The following GPHN variants were observed in gnomAD, a reference collection of about 807,000 sequenced individuals.
GPHN encodes gephyrin.
GPHN carries 17 observed loss-of-function variants against 95.5 expected under a neutral mutation model. The ratio of observed to expected loss-of-function variants is 0.18; its 90% CI spans 0.12 to 0.27. GPHN has a LOEUF of 0.27. GPHN is among the 10% of genes least tolerant of loss of function. The probability of loss-of-function intolerance (pLI) is 1.00; values close to 1 mark genes in which losing one functional copy is unlikely to be tolerated. For missense variants in GPHN, 660 were observed against 978.1 expected, an observed-to-expected ratio of 0.67 and a Z score of 4.34; for synonymous variants, 320 against 322.5, an observed-to-expected ratio of 0.99 and a Z score of 0.08.
At chr14:67,193,881 G>C in the GPHN span, among the ~76,000 whole-genome samples, 48 of 142,850 alleles carry the variant, frequency 3.4e-4, no homozygotes, top group Non-Finnish European at 6.3e-4. Context: ...GGAGGTTGAG[G>C]CTGCAGTGAG....
chr14:67,636,979 A>C, the GPHN span, among the ~76,000 whole-genome samples: 2 of 152,240 alleles, frequency 1.3e-5, no homozygotes, highest in African/African-American at 4.8e-5. Context: ...TCCCACAGGC[A>C]TAACAGCCAG....
At chr14:67,335,264 T>A in the GPHN span, 1 of 152,212 alleles carries the variant, frequency 6.6e-6, no homozygotes, top group South Asian at 2.1e-4. Context: ...AAGTGAAAAC[T>A]GAGTTGTTGC....
At chr14:67,307,650 A>G in the GPHN span, among the ~76,000 whole-genome samples, 23 of 152,302 alleles carry the variant, frequency 1.5e-4, no homozygotes, top group East Asian at 4.2e-3. Flanking sequence ...GAGAAATTCT[A>G]GTGTTGTGTG....
At chr14:67,348,741 C>T in the GPHN span, 2,138 of 242,688 alleles carry the variant, frequency 8.8e-3, 50 homozygotes, top group African/African-American at 0.046. Flanking sequence ...AGGCTGGTCT[C>T]GAACTCCTGA....
the GPHN span, chr14:67,387,162 A>T: frequency 1.7e-6 from 1 of 580,318 alleles, no homozygotes. Flanking sequence ...TGGGGAAGGA[A>T]ATGGCACCAC....
At chr14:67,542,012 G>T in the GPHN span, 1 of 1,581,764 alleles carries the variant, frequency 6.3e-7, no homozygotes, top group African/African-American at 1.4e-5. Context: ...CTCAGAGCAG[G>T]GAGCTGCCTC....
At chr14:66,611,614 G>A (rs756827131) in intron 1 of GPHN, among the ~76,000 whole-genome samples, 13 of 152,100 alleles carry the variant, frequency 8.5e-5, no homozygotes, top group Non-Finnish European at 1.8e-4. Flanking sequence ...GAGGAAATTG[G>A]TATCAGACCT....
chr14:67,388,988 A>G, the GPHN span, among the ~76,000 whole-genome samples: 7,411 of 151,686 alleles, frequency 0.049, 256 homozygotes, highest in Middle Eastern at 0.13. Context: ...TATAGTAATC[A>G]TTTCTGCAAA....
chr14:67,328,423 T>C, the GPHN span, among the ~76,000 whole-genome samples: 1 of 152,240 alleles, frequency 6.6e-6, no homozygotes, highest in Non-Finnish European at 1.5e-5. Context: ...TTTCTCCCAT[T>C]CTGTAGGTTG....
chr14:66,990,489 G>C (rs545588313), intron 9 of GPHN, among the ~76,000 whole-genome samples: 1 of 152,252 alleles, frequency 6.6e-6, no homozygotes, highest in South Asian at 2.1e-4. Flanking sequence ...TCTACCCTTA[G>C]TTATGTCAGC....
chr14:66,774,777 C>T (rs2059321944), intron 2 of GPHN, among the ~76,000 whole-genome samples: 2 of 152,134 alleles, frequency 1.3e-5, no homozygotes, highest in African/African-American at 4.8e-5. Flanking sequence ...CTCCTTTGTA[C>T]CATTAACATG....
chr14:67,557,370 G>C, the GPHN span: 1 of 1,613,978 alleles, frequency 6.2e-7, no homozygotes, highest in Non-Finnish European at 8.5e-7. Flanking sequence ...AAGCCATAAA[G>C]GGCAAAGATG....
the GPHN span, chr14:67,392,636 CAAG>C: frequency 5.0e-6 from 8 of 1,593,088 alleles, no homozygotes; most frequent in Non-Finnish European, 6.9e-6. Flanking sequence ...GCCCTGGTGG[CAAG>C]AAGAACCCAC....
intron 17 of GPHN, among the ~76,000 whole-genome samples, chr14:67,134,080 C>A (rs548599884): frequency 6.6e-6 from 1 of 152,300 alleles, no homozygotes; most frequent in South Asian, 2.1e-4. Flanking sequence ...GTTTATGTAA[C>A]TTTCAGTATT....
chr14:67,490,845 C>T, the GPHN span, among the ~76,000 whole-genome samples: 1 of 152,224 alleles, frequency 6.6e-6, no homozygotes, highest in South Asian at 2.1e-4. Flanking sequence ...TTTCCTTCTG[C>T]TCTCACACTC....
the GPHN span, among the ~76,000 whole-genome samples, chr14:67,511,362 CA>C: frequency 7.8e-6 from 1 of 128,414 alleles, no homozygotes; most frequent in Non-Finnish European, 1.8e-5. Context: ...AACAAAAAAA[CA>C]AAAAAAACTG....
chr14:67,113,905 A>C (rs1474247933), intron 16 of GPHN, among the ~76,000 whole-genome samples: 1 of 152,220 alleles, frequency 6.6e-6, no homozygotes, highest in Non-Finnish European at 1.5e-5. Context: ...CTTATAAAAG[A>C]ATCAGAAACT....
chr14:67,726,269 C>T, the GPHN span: 7 of 755,786 alleles, frequency 9.3e-6, no homozygotes, highest in Non-Finnish European at 1.7e-5. Context: ...CCTAGGAATT[C>T]CAATAGACTA....
chr14:67,470,965 A>C, the GPHN span: 3 of 152,214 alleles, frequency 2.0e-5, no homozygotes, highest in Non-Finnish European at 2.9e-5. Flanking sequence ...TGATACCCAA[A>C]AAAGCAAGAA....
Sources: allele counts gnomAD v4.1 joint callset (sites outside exome capture counted in the v4.1 genomes callset), GRCh38; gene constraint gnomAD v4.1.1; transcripts MANE v1.5; gene names NCBI Gene and HGNC (gene_info 2026-07-23, HGNC 2026-07-21).